Variants in SAP18 observed in about 807,000 individuals in gnomAD.
SAP18 encodes the protein Sin3A associated protein 18.
Under a neutral mutation model 18.6 loss-of-function variants are expected in SAP18, and 4 were observed. That is an observed-to-expected ratio of 0.21 (90% CI 0.11 to 0.49). The LOEUF is 0.49. SAP18 is among the 20% of genes least tolerant of loss of function. SAP18 has a pLI of 0.98. For synonymous variants in SAP18, 112 were observed against 82.8 expected (o/e 1.35, Z -1.92); for missense variants, 170 against 226.4 (o/e 0.75, Z 1.60).
intron 2 of SAP18, 76 bp from the exon 3 acceptor site, chr13:21,146,729 C>G (rs11147974): frequency 0.064 from 74,253 of 1,158,776 alleles, 2,680 homozygotes; most frequent in Non-Finnish European, 0.075. Context: ...ATGTAATTAA[C>G]TCATTGTTAG....
At chr13:21,140,479 G>A, upstream of SAP18, 1 of 1,477,752 alleles carries the variant, frequency 6.8e-7, no homozygotes, top group Non-Finnish European at 9.1e-7. Context: ...GTGCGCCTGC[G>A]CCAGGAGACG....
At chr13:21,140,444 T>C (rs563914498), upstream of SAP18, 113 of 1,301,980 alleles carry the variant, frequency 8.7e-5, no homozygotes, top group African/African-American at 9.1e-4. Flanking sequence ...GCAGGCGCGC[T>C]CCGGCTCGCT....
intron 2 of SAP18, among the ~76,000 whole-genome samples, chr13:21,145,303 T>C (rs1869612840): frequency 6.6e-6 from 1 of 152,164 alleles, no homozygotes; most frequent in South Asian, 2.1e-4. Context: ...GAAACATAAA[T>C]GAGTTTCTTA....
intron 2 of SAP18, among the ~76,000 whole-genome samples, chr13:21,142,092 G>T (rs898240876): frequency 6.6e-6 from 1 of 150,378 alleles, no homozygotes; most frequent in Non-Finnish European, 1.5e-5. Context: ...TTCGAGACCA[G>T]TCTGGCCAGC....
upstream of SAP18, among the ~76,000 whole-genome samples, chr13:21,140,240 T>G (rs547314553): frequency 1.3e-5 from 2 of 152,306 alleles, no homozygotes; most frequent in South Asian, 4.1e-4. Flanking sequence ...GAAAGATCTA[T>G]ATTTTGCTAA....
At chr13:21,140,724 A>G in intron 1 of SAP18, 43 bp downstream of exon 1, 1 of 1,600,768 alleles carries the variant, frequency 6.2e-7, no homozygotes, top group Non-Finnish European at 8.5e-7. Context: ...GAGGTTGGGG[A>G]TGAGTCCCGC....
At chr13:21,142,361 CTG>C (rs750206203) in intron 2 of SAP18, among the ~76,000 whole-genome samples, 1 of 151,744 alleles carries the variant, frequency 6.6e-6, no homozygotes, top group Non-Finnish European at 1.5e-5. Context: ...GAATCTCACT[CTG>C]TCACCCAGGC....
rs187944138 is a variant in SAP18, at chr13:21,141,033, G to A, written c.239+38G>A. The stretch of plus-strand genomic sequence containing the variant: ...GGGTGGCCTCAGGGACCCGGGCCGG[G>A]AACCTGGAACAACAGTTAATTGCCT... On this transcript the variant is annotated intron_variant, in intron 2 of 3. Transcript: ENST00000621421. 2.0e-3 allele frequency: 2,576 copies of A among 1,289,316 alleles called. 9 individuals carry two copies. Among genetic ancestry groups the A allele is most frequent in the Non-Finnish European group, 2.7e-3 (2,349 of 886,316 alleles). The allele number at this position is 1,289,316 out of a possible 1,614,324, so 79.9% of individuals were successfully genotyped here.
At chr13:21,142,227 C>T (rs1869493539) in intron 2 of SAP18, among the ~76,000 whole-genome samples, 1 of 147,852 alleles carries the variant, frequency 6.8e-6, no homozygotes, top group African/African-American at 2.5e-5. Flanking sequence ...GTGGAAGTTG[C>T]AGTGAGCTGA....
chr13:21,147,396 A>G (rs2137341480), exon 4 of SAP18: 1 of 1,469,772 alleles, frequency 6.8e-7, no homozygotes, highest in Non-Finnish European at 9.3e-7. Flanking sequence ...TAAAATAAAC[A>G]TACTCTTCTT....
exon 4 of SAP18, chr13:21,147,566 G>C (rs1470329352): frequency 7.9e-6 from 4 of 505,706 alleles, no homozygotes; most frequent in African/African-American, 2.0e-5. Flanking sequence ...TTAGCATTCT[G>C]TGTAAAACTG....
Position 21,144,234 on chromosome 13 carries a change from G to A in SAP18, c.240-2571G>A, listed in dbSNP as rs540524955. Among the ~76,000 whole-genome samples, 851 of 151,926 alleles carry A rather than the reference G, an allele frequency of 5.6e-3. 11 individuals carry two copies. The highest frequency in any genetic ancestry group is 0.02 in the African/African-American group (815 of 41,436). ...AGCCTGGCCAACATGGTGAAACCCC[G>A]TCTCTGCTAAAAATACAAAAATTAG... On this transcript the variant is annotated intron_variant, in intron 2 of 3. Transcript: ENST00000621421.
intron 2 of SAP18, chr13:21,141,241 G>T (rs1869455125): frequency 1.8e-6 from 1 of 547,446 alleles, no homozygotes; most frequent in East Asian, 3.2e-5. Flanking sequence ...ACCCAAGATT[G>T]CTGTCACTGT....
chr13:21,141,021 G>T, intron 2 of SAP18, 26 bp downstream of exon 2: 1 of 1,466,918 alleles, frequency 6.8e-7, no homozygotes, highest in Non-Finnish European at 9.5e-7. Flanking sequence ...TGGCCTCAGG[G>T]ACCCGGGCCG....
chr13:21,144,162 T>C (rs1406209017), intron 2 of SAP18, among the ~76,000 whole-genome samples: 1 of 152,024 alleles, frequency 6.6e-6, no homozygotes, highest in Non-Finnish European at 1.5e-5. Flanking sequence ...ATCCCAGCAC[T>C]TTGGGAGGCC....
intron 2 of SAP18, among the ~76,000 whole-genome samples, chr13:21,145,150 T>C (rs2137339156): frequency 6.9e-6 from 1 of 145,852 alleles, no homozygotes; most frequent in East Asian, 2.1e-4. Flanking sequence ...CACTGCAACC[T>C]CTGCCTCCCA....
intron 2 of SAP18, 91 bp from the exon 3 acceptor site, chr13:21,146,714 G>A: frequency 9.9e-7 from 1 of 1,009,502 alleles, no homozygotes; most frequent in African/African-American, 1.6e-5. Flanking sequence ...TCACAACTCA[G>A]ATATATGTAA....
intron 2 of SAP18, among the ~76,000 whole-genome samples, chr13:21,144,122 T>A (rs148487230): frequency 6.9e-4 from 105 of 152,170 alleles, no homozygotes; most frequent in Admixed American, 2.6e-3. Context: ...AGAGATTTAT[T>A]TCTGCTGGGC....
At chr13:21,144,523 G>C (rs773351597) in intron 2 of SAP18, among the ~76,000 whole-genome samples, 2 of 151,666 alleles carry the variant, frequency 1.3e-5, no homozygotes, top group Non-Finnish European at 1.5e-5. Flanking sequence ...AGGAAGGAAA[G>C]GCTGCTCTTA....
Sources: gnomAD v4.1 joint callset for allele counts (sites outside exome capture counted in the v4.1 genomes callset) on GRCh38, gnomAD v4.1.1 for gene constraint, MANE v1.5 for transcripts, NCBI Gene and HGNC (gene_info 2026-07-23, HGNC 2026-07-21) for gene names.